CORIN: variants seen among roughly 807,000 people sequenced by gnomAD.
The protein encoded by CORIN is corin, serine peptidase, also known as atrial natriuretic peptide-converting enzyme.
Under a neutral mutation model 125.3 loss-of-function variants are expected in CORIN, and 117 were observed. The ratio of observed to expected loss-of-function variants is 0.93; its 90% confidence interval spans 0.80 to 1.09. The LOEUF (loss-of-function observed/expected upper bound fraction) is 1.09. CORIN is among the 50% of genes least tolerant of loss of function. The pLI is 0.00. For missense variants in CORIN, 1,253 were observed against 1,306.7 expected (o/e 0.96, Z 0.63); for synonymous variants, 450 against 466.4 (o/e 0.96, Z 0.45).
rs185515638 is a variant in CORIN, at chr4:47,646,879, C to G, written c.1844-1685G>C. On this transcript the variant is annotated intron_variant, in intron 13 of 21. Coordinates refer to ENST00000273857, the MANE Select transcript of CORIN (RefSeq NM_006587.4). Reference sequence around the variant, plus strand: ...TCGAATAAATTATGTAGATGATTGACTCAGGTTTCTTGGAATCCATTATGA... The same window carrying G: ...TCGAATAAATTATGTAGATGATTGAGTCAGGTTTCTTGGAATCCATTATGA... 7.8e-3 allele frequency among the ~76,000 whole-genome samples: 1,194 copies of G among 152,216 alleles called. 14 individuals are homozygous for G. The highest frequency in any genetic ancestry group is 0.026 in the African/African-American group (1,096 of 41,520).
In CORIN at chr4:47,626,473, C is replaced by CA. The variant is rs1722572970; in HGVS notation, c.2246_2247insT (p.Trp750ValfsTer18). ...CCCAGTTGGAGTGTAATGTCAGCCA[C>CA]CGCGGCTCTTTCTCCTGTTCCTGTA... is the stretch of plus-strand genomic sequence containing the variant. On this transcript the variant is annotated frameshift_variant, in exon 17 of 22. Transcript: ENST00000273857. LOFTEE classifies it high-confidence loss of function. 6.2e-7 allele frequency: 1 copy of CA among 1,613,954 alleles called. No individual in the cohort carries two copies. Among genetic ancestry groups the CA allele is most frequent in the African/African-American group, 1.3e-5 (1 of 74,918 alleles).
At chr4:47,629,398 T>C (rs996655823) in intron 16 of CORIN, among the ~76,000 whole-genome samples, 4 of 152,330 alleles carry the variant, frequency 2.6e-5, no homozygotes, top group Admixed American at 2.6e-4. Flanking sequence ...ATTTGGCTTT[T>C]TGCTGTTGAA....
chr4:47,815,358 G>A (rs1349852915), intron 1 of CORIN, among the ~76,000 whole-genome samples: 1 of 152,050 alleles, frequency 6.6e-6, no homozygotes, highest in Non-Finnish European at 1.5e-5. Flanking sequence ...TAGTTTCCCT[G>A]GAGGAAAGTT....
intron 4 of CORIN, among the ~76,000 whole-genome samples, chr4:47,755,744 T>C (rs1320457563): frequency 2.0e-5 from 3 of 152,298 alleles, no homozygotes; most frequent in African/African-American, 7.2e-5. Flanking sequence ...AGCTAAATTA[T>C]CTCTGGAAAT....
intron 10 of CORIN, among the ~76,000 whole-genome samples, chr4:47,670,091 T>G (rs997460421): frequency 2.0e-5 from 3 of 152,254 alleles, no homozygotes; most frequent in Non-Finnish European, 4.4e-5. Context: ...CCTGGTGAAG[T>G]TAAACACGTT....
chr4:47,836,639 C>T (rs1733431947), intron 1 of CORIN, among the ~76,000 whole-genome samples: 1 of 152,338 alleles, frequency 6.6e-6, no homozygotes, highest in Non-Finnish European at 1.5e-5. Flanking sequence ...GAAAGCTCCA[C>T]TTTATGAATT....
intron 4 of CORIN, among the ~76,000 whole-genome samples, chr4:47,749,324 C>T (rs1223295823): frequency 6.6e-6 from 1 of 152,156 alleles, no homozygotes; most frequent in African/African-American, 2.4e-5. Flanking sequence ...TGCTAACAGA[C>T]TCTCTCCCTT....
chr4:47,820,059 G>A (rs899967745), intron 1 of CORIN, among the ~76,000 whole-genome samples: 6 of 152,052 alleles, frequency 3.9e-5, no homozygotes, highest in East Asian at 3.9e-4. Flanking sequence ...GCCTGACTCC[G>A]GAAAGTGTCA....
intron 10 of CORIN, among the ~76,000 whole-genome samples, chr4:47,669,689 T>C (rs531938947): frequency 7.2e-5 from 11 of 151,916 alleles, no homozygotes; most frequent in Non-Finnish European, 1.5e-4. Flanking sequence ...CTGCCTCAGC[T>C]TCCCGAGTAG....
chr4:47,619,055 G>C (rs1046225065), intron 19 of CORIN, among the ~76,000 whole-genome samples: 3 of 152,244 alleles, frequency 2.0e-5, no homozygotes, highest in African/African-American at 7.2e-5. Flanking sequence ...ATTACTAGCT[G>C]TGTGCCAGCC....
intron 19 of CORIN, among the ~76,000 whole-genome samples, chr4:47,606,707 C>G (rs1263564175): frequency 6.7e-6 from 1 of 148,860 alleles, no homozygotes; most frequent in East Asian, 2.0e-4. Flanking sequence ...TCTTTTACTT[C>G]TTTCTTCCTT....
chr4:47,798,067 T>C (rs1053511033), intron 2 of CORIN, among the ~76,000 whole-genome samples: 2 of 152,184 alleles, frequency 1.3e-5, no homozygotes, highest in Non-Finnish European at 2.9e-5. Flanking sequence ...TTTGGAACCA[T>C]ATGGACAACT....
chr4:47,788,994 A>C (rs1173205757), intron 2 of CORIN, among the ~76,000 whole-genome samples: 1 of 152,128 alleles, frequency 6.6e-6, no homozygotes, highest in Non-Finnish European at 1.5e-5. Flanking sequence ...TTTTAACCAA[A>C]CAGTGTTTAA....
intron 10 of CORIN, among the ~76,000 whole-genome samples, chr4:47,671,783 G>C (rs1724771709): frequency 6.6e-6 from 1 of 151,786 alleles, no homozygotes. Flanking sequence ...TACAGACTGG[G>C]TATCACCATG....
At chr4:47,623,069 C>CCTCT (rs372736248) in intron 19 of CORIN, among the ~76,000 whole-genome samples, 4,876 of 93,482 alleles carry the variant, frequency 0.052, 187 homozygotes, top group South Asian at 0.1. Context: ...CATAACATAA[C>CCTCT]CTCTCTCTCT....
intron 5 of CORIN, among the ~76,000 whole-genome samples, chr4:47,694,771 A>G (rs191464742): frequency 1.3e-5 from 2 of 152,312 alleles, no homozygotes; most frequent in East Asian, 3.9e-4. Flanking sequence ...GGACCCAGCC[A>G]GTGGCTGGCA....
At chr4:47,662,478 G>A (rs139402892) in intron 11 of CORIN, among the ~76,000 whole-genome samples, 46 of 152,146 alleles carry the variant, frequency 3.0e-4, no homozygotes, top group African/African-American at 9.2e-4. Flanking sequence ...AGGTGCTTTC[G>A]TGCGTATTAT....
At chr4:47,799,288 A>G (rs1731431388) in intron 2 of CORIN, among the ~76,000 whole-genome samples, 2 of 152,080 alleles carry the variant, frequency 1.3e-5, no homozygotes, top group African/African-American at 4.8e-5. Flanking sequence ...TCTTTTGGCT[A>G]TATCCCCAGT....
In CORIN at chr4:47,612,146, C is replaced by T. The variant is rs1215141856; in HGVS notation, c.2541-8478G>A. Among the ~76,000 whole-genome samples the T allele has an allele frequency of 7.9e-5, 12 of 152,222 alleles. No homozygotes were observed. The East Asian group carries it at 2.3e-3, about 29-fold the overall frequency. ...AGTTTTGGTAGATATGGTACCAGCTCCTCTTTGTACCTTTGGTAGATTTCA... is the reference window on the plus strand; with the variant it reads ...AGTTTTGGTAGATATGGTACCAGCTTCTCTTTGTACCTTTGGTAGATTTCA... On this transcript the variant is annotated intron_variant, in intron 19 of 21. Coordinates refer to ENST00000273857, the MANE Select transcript of CORIN (RefSeq NM_006587.4).
Sources: allele counts gnomAD v4.1 joint callset (sites outside exome capture counted in the v4.1 genomes callset), GRCh38; gene constraint gnomAD v4.1.1; transcripts MANE v1.5; gene names NCBI Gene and HGNC (gene_info 2026-07-23, HGNC 2026-07-21).